Variants in PZP observed in about 807,000 individuals in gnomAD.
PZP encodes the protein PZP alpha-2-macroglobulin like.
PZP carries 150 observed loss-of-function variants against 179.8 expected under a neutral mutation model. The observed-to-expected ratio is 0.83, with a 90% confidence interval of 0.73 to 0.96. The LOEUF is 0.96. Among genes scored for constraint, PZP ranks in the 40% least tolerant of loss-of-function variants. PZP has a pLI of 0.00. For synonymous variants in PZP, 624 were observed against 652.3 expected, an observed-to-expected ratio of 0.96 and a Z score of 0.66; for missense variants, 1,689 against 1,764.0, an observed-to-expected ratio of 0.96 and a Z score of 0.76.
intron 32 of PZP, 91 bp from the exon 33 acceptor site, chr12:9,151,763 G>A: frequency 2.0e-6 from 2 of 986,206 alleles, no homozygotes; most frequent in Admixed American, 2.1e-5. Context: ...GGGACAAATG[G>A]TCATTCTCTG....
rs373165429 is a variant in PZP at position 9,164,215 on chromosome 12, T to A, written c.2532A>T (p.Gln844His). ...AATAGGATTCTTCTCCCTTTGTATT[T>A]TGGGAAGCTAGGAAGGCTGGAGAGG... ...LKASPAFLAS[Q>H]NTKGEESYCI... The change falls in exon 20 of 36, where the codon CAA (glutamine) becomes CAT (histidine). Residue 844 changes from glutamine (Q) to histidine (H), a missense_variant. This residue lies in a region of PZP where 201 missense variants were observed against 284.2 expected (regional missense o/e 0.71). Coordinates refer to ENST00000261336, the MANE Select transcript of PZP (RefSeq NM_002864.3). 6.2e-7 allele frequency: 1 copy of A among 1,611,970 alleles called. No individual in the cohort carries two copies. Among genetic ancestry groups the A allele is most frequent in the Non-Finnish European group, 8.5e-7 (1 of 1,178,190 alleles).
chr12:9,190,721 T>C (rs1943412115), intron 13 of PZP, among the ~76,000 whole-genome samples: 1 of 152,122 alleles, frequency 6.6e-6, no homozygotes, highest in South Asian at 2.1e-4. Flanking sequence ...TAATAATAAA[T>C]AATAAAATTT....
chr12:9,204,053 G>T, intron 1 of PZP, 102 bp from the exon 2 acceptor site: 1 of 1,183,956 alleles, frequency 8.4e-7, no homozygotes, highest in South Asian at 1.6e-5. Flanking sequence ...GGTGCAATCA[G>T]TTTTATTCTA....
downstream of PZP, among the ~76,000 whole-genome samples, chr12:9,146,380 C>A (rs905721543): frequency 6.6e-6 from 1 of 151,688 alleles, no homozygotes; most frequent in African/African-American, 2.4e-5. Flanking sequence ...CCTTTTGATA[C>A]TTTTTGTGGT....
chr12:9,195,079 C>T (rs1025747995), intron 10 of PZP, among the ~76,000 whole-genome samples: 1 of 151,764 alleles, frequency 6.6e-6, no homozygotes, highest in African/African-American at 2.4e-5. Flanking sequence ...TAAAAATAGC[C>T]AGAAGAGAAT....
chr12:9,158,550 A>T lies in PZP; in HGVS notation c.3164T>A (p.Phe1055Tyr), dbSNP rs1373445267. 6 of 1,614,144 alleles carry T rather than the reference A, an allele frequency of 3.7e-6. No individual in the cohort carries two copies. Among genetic ancestry groups the T allele is most frequent in the Non-Finnish European group, 5.1e-6 (6 of 1,180,018 alleles). The change falls in exon 26 of 36, where the codon TTC (phenylalanine) becomes TAC (tyrosine). Residue 1055 changes from phenylalanine to tyrosine, a missense_variant. Physicochemically the swap from Phe to Tyr is conservative, Grantham distance 22. Coordinates refer to ENST00000261336, the MANE Select transcript of PZP (RefSeq NM_002864.3). ...TWLTAFVLKT[F>Y]AQARSYIFID... ...GAAGATGTAGGATCGAGCCTGGGCG[A>T]AAGTCTTCAGTACAAAAGCTGTGAG...
Position 9,192,631 on chromosome 12 carries a change from TG to T in PZP, c.1362del (p.Tyr454Ter). 1 of 1,614,130 alleles carries T rather than the reference TG, an allele frequency of 6.2e-7. No homozygotes were observed. ...ANRVFSLSGSYIHLEPVAGTL... is the reference protein window; with the variant it reads ...ANRVFSLSGSXIHLEPVAGTL... Reference sequence around the variant, plus strand: ...GTACCAGCCACAGGCTCCAGGTGAATGTAACTTCCACTTAAGGAGAAAACAC... The same window carrying T: ...GTACCAGCCACAGGCTCCAGGTGAATTAACTTCCACTTAAGGAGAAAACAC... On this transcript the variant is annotated frameshift_variant, in exon 12 of 36. Coordinates refer to ENST00000261336, the MANE Select transcript of PZP (RefSeq NM_002864.3). LOFTEE classifies it high-confidence loss of function.
At chr12:9,149,680 T>G in intron 34 of PZP, 78 bp from the exon 35 acceptor site, 1 of 1,444,098 alleles carries the variant, frequency 6.9e-7, no homozygotes, top group East Asian at 2.3e-5. Flanking sequence ...CTAGTCACTT[T>G]ACTACTGGAG....
Position 9,194,142 on chromosome 12 carries a change from C to A in PZP, c.1189G>T (p.Glu397Ter), listed in dbSNP as rs966658810. The change falls in exon 11 of 36, where the codon GAG (glutamate) becomes TAG (stop). Residue 397 changes from glutamate to a stop codon, truncating the protein, a stop_gained. Transcript: ENST00000261336. LOFTEE classifies it high-confidence loss of function. ...ANYYSNATTN[E>*]QGLAQFSINT... ...ATTGAAAACTGTGCAAGACCCTGCT[C>A]ATTGGTGGTTGCATTGGAGTAATAA... 5.0e-6 allele frequency: 8 copies of A among 1,613,878 alleles called. No homozygotes were observed. In the African/African-American group the frequency reaches 9.3e-5, roughly 19 times the overall value.
chr12:9,138,240 G>C, the PZP span, among the ~76,000 whole-genome samples: 1 of 151,762 alleles, frequency 6.6e-6, no homozygotes, highest in Non-Finnish European at 1.5e-5. Flanking sequence ...GTTGAATTTT[G>C]TCAAATGCTT....
At chr12:9,145,051 C>G (rs1484147692), downstream of PZP, among the ~76,000 whole-genome samples, 2 of 152,148 alleles carry the variant, frequency 1.3e-5, no homozygotes, top group Non-Finnish European at 2.9e-5. Context: ...CACTTTCAGC[C>G]TATGTGTGTT....
chr12:9,197,381 T>G (rs1484007121), intron 7 of PZP, among the ~76,000 whole-genome samples: 1 of 142,118 alleles, frequency 7.0e-6, no homozygotes, highest in Non-Finnish European at 1.5e-5. Context: ...ATATATTTAA[T>G]ATATAATATT....
At chr12:9,196,980 G>T in intron 8 of PZP, 32 bp downstream of exon 8, 1 of 1,438,396 alleles carries the variant, frequency 7.0e-7, no homozygotes, top group Non-Finnish European at 9.8e-7. Context: ...TGTAAACAGT[G>T]ATAGCACTGA....
At chr12:9,192,821 G>A (rs746251207) in intron 11 of PZP, 82 bp from the exon 12 acceptor site, 10 of 929,968 alleles carry the variant, frequency 1.1e-5, no homozygotes, top group Middle Eastern at 2.3e-4. Context: ...TAGTTACAAC[G>A]GTGTCTTCCA....
chr12:9,159,689 G>A (rs760753994), intron 25 of PZP, among the ~76,000 whole-genome samples: 7 of 151,882 alleles, frequency 4.6e-5, no homozygotes, highest in African/African-American at 1.7e-4. Flanking sequence ...CAATCCTCTA[G>A]TCATATGATG....
At chr12:9,178,803 A>G (rs1346202092) in intron 15 of PZP, among the ~76,000 whole-genome samples, 1 of 152,178 alleles carries the variant, frequency 6.6e-6, no homozygotes, top group Admixed American at 6.5e-5. Context: ...AGGTCTTGGG[A>G]CACACCCCTG....
At chr12:9,202,022 A>C (rs1382994643) in intron 4 of PZP, among the ~76,000 whole-genome samples, 1 of 152,198 alleles carries the variant, frequency 6.6e-6, no homozygotes, top group Non-Finnish European at 1.5e-5. Flanking sequence ...CCTTGAAAGT[A>C]TGAATAGGAA....
At chr12:9,138,674 A>G in the PZP span, among the ~76,000 whole-genome samples, 5 of 152,058 alleles carry the variant, frequency 3.3e-5, no homozygotes, top group Non-Finnish European at 7.4e-5. Context: ...TTAAATCTCC[A>G]TACTAATGAT....
chr12:9,201,031 C>T lies in PZP; in HGVS notation c.531G>A (p.Trp177Ter), dbSNP rs965994177. The T allele has an allele frequency of 4.3e-6, 7 of 1,613,898 alleles. No homozygotes were observed. The highest frequency in any genetic ancestry group is 5.9e-6 in the Non-Finnish European group (7 of 1,179,970). Residue 177 changes from tryptophan (W) to a stop codon, truncating the protein, a stop_gained, in exon 6 of 36, where the codon TGG becomes TGA. Transcript: ENST00000261336. LOFTEE classifies it high-confidence loss of function. ...TGCCAGCTTCTAGCTTGAGACTCTG[C>T]CATTGTGCAATTCGATTTCTTCTTG... ...ENPRRNRIAQ[W>*]QSLKLEAGIN...
Sources: gnomAD v4.1 joint callset for allele counts (sites outside exome capture counted in the v4.1 genomes callset) on GRCh38, gnomAD v4.1.1 for gene constraint, gnomAD v4.1.1 regional missense constraint, MANE v1.5 for transcripts, NCBI Gene and HGNC (gene_info 2026-07-23, HGNC 2026-07-21) for gene names.